The following CFAP54 variants were observed in gnomAD, a reference collection of about 807,000 sequenced individuals.
The protein encoded by CFAP54 is cilia- and flagella-associated protein 54.
CFAP54 carries 290 observed loss-of-function variants against 370.4 expected under a neutral mutation model. The ratio of observed to expected loss-of-function variants is 0.78; its 90% CI spans 0.71 to 0.86. The LOEUF (loss-of-function observed/expected upper bound fraction) is 0.86, where lower values mean the gene tolerates loss of function less well. Ranked by LOEUF, CFAP54 falls within the 40% of genes least tolerant of loss-of-function variation. The pLI, the probability that CFAP54 is intolerant of heterozygous loss-of-function variation, is 0.00. For synonymous variants in CFAP54, 1,206 were observed against 1,236.5 expected, an observed-to-expected ratio of 0.98 and a Z score of 0.52; for missense variants, 3,399 against 3,528.7, an observed-to-expected ratio of 0.96 and a Z score of 0.93.
chr12:96,558,845 A>G (rs1319692205), intron 17 of CFAP54, among the ~76,000 whole-genome samples: 1 of 152,184 alleles, frequency 6.6e-6, no homozygotes, highest in Non-Finnish European at 1.5e-5. Flanking sequence ...AATACCCCTT[A>G]AGAACAGGCA....
At chr12:96,510,963 C>CA (rs11479059) in intron 4 of CFAP54, among the ~76,000 whole-genome samples, 6,728 of 103,536 alleles carry the variant, frequency 0.065, 391 homozygotes, top group African/African-American at 0.16. Context: ...ACTCTTATCT[C>CA]AAAAAAAAAA....
chr12:96,768,793 A>G (rs983819160), intron 60 of CFAP54, among the ~76,000 whole-genome samples: 2 of 152,258 alleles, frequency 1.3e-5, no homozygotes, highest in African/African-American at 4.8e-5. Context: ...GGGGAGCTGG[A>G]CACAGGCAGG....
At chr12:96,492,782 C>T (rs1954900049) in intron 1 of CFAP54, among the ~76,000 whole-genome samples, 1 of 152,196 alleles carries the variant, frequency 6.6e-6, no homozygotes, top group African/African-American at 2.4e-5. Flanking sequence ...CACCTGCAGT[C>T]AGGAGTTCAA....
intron 63 of CFAP54, among the ~76,000 whole-genome samples, chr12:96,811,455 G>T (rs73383052): frequency 6.6e-6 from 1 of 152,076 alleles, no homozygotes; most frequent in African/African-American, 2.4e-5. Flanking sequence ...ACTGTAGAGG[G>T]CCTTCAAAAG....
intron 19 of CFAP54, among the ~76,000 whole-genome samples, chr12:96,575,537 T>G (rs74239037): frequency 0.085 from 12,900 of 151,368 alleles, 718 homozygotes; most frequent in Middle Eastern, 0.14. Context: ...GGAGGAGGAG[T>G]AGTAATCACA....
intron 14 of CFAP54, among the ~76,000 whole-genome samples, chr12:96,543,056 TAAG>T (rs1324184796): frequency 1.3e-5 from 2 of 152,260 alleles, no homozygotes; most frequent in Non-Finnish European, 2.9e-5. Context: ...GATACTTTGT[TAAG>T]AAGAATTCTT....
At chr12:96,525,978 C>A (rs1275538340) in intron 8 of CFAP54, among the ~76,000 whole-genome samples, 1 of 152,240 alleles carries the variant, frequency 6.6e-6, no homozygotes, top group Non-Finnish European at 1.5e-5. Context: ...GCCGCCGCAC[C>A]CAGCCCCTTG....
Position 96,580,931 on chromosome 12 carries a change from C to A in CFAP54, c.2901C>A (p.Asp967Glu). ...LPNSGEAIPADGKSVFEVKGL... is the reference protein window; with the variant it reads ...LPNSGEAIPAEGKSVFEVKGL... ...ATTTTTCTTAATAGATACCAGCTGACGGTAAAAGTGTTTTTGAAGTGAAAG... is the reference window on the plus strand; with the variant it reads ...ATTTTTCTTAATAGATACCAGCTGAAGGTAAAAGTGTTTTTGAAGTGAAAG... The change falls in exon 22 of 68, where the codon GAC becomes GAA. Residue 967 changes from aspartate to glutamate, a missense_variant. Asp to Glu is a conservative substitution (Grantham distance 45). Around this residue, in one of 3 missense-constraint regions of CFAP54, gnomAD observed 2,796 missense variants for 2,869.7 expected, o/e 0.97. Coordinates refer to ENST00000524981, the MANE Select transcript of CFAP54 (RefSeq NM_001306084.2). The A allele has an allele frequency of 6.7e-7, 1 of 1,494,104 alleles. No homozygotes were observed. The highest frequency in any genetic ancestry group is 1.3e-5 in the South Asian group (1 of 76,506). The allele number at this position is 1,494,104 out of a possible 1,614,324, so 92.6% of individuals were successfully genotyped here.
chr12:96,653,509 A>G, intron 36 of CFAP54, among the ~76,000 whole-genome samples: 1 of 152,242 alleles, frequency 6.6e-6, no homozygotes, highest in East Asian at 1.9e-4. Context: ...ATTAAATAAT[A>G]CAATTCCAAA....
chr12:96,748,008 C>G (rs923388834), intron 55 of CFAP54, among the ~76,000 whole-genome samples: 6 of 151,994 alleles, frequency 3.9e-5, no homozygotes, highest in Admixed American at 1.3e-4. Context: ...TTTTCCTTTC[C>G]CAGTCTGCAG....
intron 58 of CFAP54, 99 bp from the exon 59 acceptor site, chr12:96,764,052 C>T (rs1958368909): frequency 1.4e-6 from 1 of 690,580 alleles, no homozygotes; most frequent in African/African-American, 1.8e-5. Flanking sequence ...ACATTATTAT[C>T]CTTAGTGACT....
intron 66 of CFAP54, among the ~76,000 whole-genome samples, chr12:96,857,005 G>A (rs1373368505): frequency 6.6e-6 from 1 of 152,184 alleles, no homozygotes; most frequent in Non-Finnish European, 1.5e-5. Context: ...CATGGTGCGA[G>A]GGGAAGCAAA....
At chr12:96,775,832 T>C (rs1958512272) in intron 60 of CFAP54, among the ~76,000 whole-genome samples, 2 of 152,240 alleles carry the variant, frequency 1.3e-5, no homozygotes, top group South Asian at 2.1e-4. Flanking sequence ...ATCACAAATA[T>C]TGCTTTCTTT....
At chr12:96,725,263 G>A (rs1957817768) in intron 50 of CFAP54, among the ~76,000 whole-genome samples, 2 of 151,076 alleles carry the variant, frequency 1.3e-5, no homozygotes, top group Admixed American at 6.6e-5. Flanking sequence ...AAATTACCTT[G>A]GGCAGTATGG....
chr12:96,742,244 A>G (rs1958059484), intron 51 of CFAP54, among the ~76,000 whole-genome samples, 195 bp from the exon 52 acceptor site: 2 of 152,104 alleles, frequency 1.3e-5, no homozygotes, highest in Admixed American at 1.3e-4. Context: ...TTAATAGAGG[A>G]TTTCTGGATT....
At chr12:96,685,986 C>T (rs1957326174) in intron 42 of CFAP54, among the ~76,000 whole-genome samples, 1 of 152,204 alleles carries the variant, frequency 6.6e-6, no homozygotes, top group South Asian at 2.1e-4. Context: ...TTTCACATTC[C>T]TTCTGAGCCT....
Position 96,699,973 on chromosome 12 carries a change from A to G in CFAP54, c.6354A>G (p.Ile2118Met), listed in dbSNP as rs1957474477. The G allele has an allele frequency of 1.9e-6, 3 of 1,567,324 alleles. No homozygotes were observed. Among genetic ancestry groups the G allele is most frequent in the Non-Finnish European group, 2.6e-6 (3 of 1,148,662 alleles). ...TCATTATTTCCTTTCCTTTACAGAT[A>G]GAAGTCCTTATAGATTTGAGATTCT... Reference protein sequence around the residue: ...TRNLEARILKIEVLIDLRFFS... With the variant: ...TRNLEARILKMEVLIDLRFFS... Residue 2118 changes from isoleucine (I) to methionine (M), a missense_variant and splice_region_variant, in exon 46 of 68, where the codon ATA becomes ATG. Physicochemically the swap from Ile to Met is conservative, Grantham distance 10. Around this residue, in one of 3 missense-constraint regions of CFAP54, gnomAD observed 2,796 missense variants for 2,869.7 expected, o/e 0.97. Transcript: ENST00000524981.
intron 40 of CFAP54, among the ~76,000 whole-genome samples, chr12:96,684,194 T>G (rs1174661481): frequency 6.6e-6 from 1 of 152,212 alleles, no homozygotes; most frequent in Non-Finnish European, 1.5e-5. Context: ...CCTTTGAGCC[T>G]TTCCATCTGC....
In CFAP54 at chr12:96,644,347, G is replaced by C. The variant is rs899473327; in HGVS notation, c.4486G>C (p.Val1496Leu). The change falls in exon 33 of 68, where the codon GTT becomes CTT. Residue 1496 changes from valine (V) to leucine (L), a missense_variant. By Grantham distance (32) the Val-to-Leu change is conservative. Coordinates refer to ENST00000524981, the MANE Select transcript of CFAP54 (RefSeq NM_001306084.2). ...LYLAGAHFNL[V>L]LQKLWECTKM... ...TCTAGCAGGTGCACACTTTAACCTG[G>C]TTTTACAAAAGCTATGGGAGTGTAC... 8.5e-6 allele frequency: 13 copies of C among 1,535,948 alleles called. No individual in the cohort carries two copies. The East Asian group carries it at 2.9e-4, about 35-fold the overall frequency.
Sources: gnomAD v4.1 joint callset for allele counts (sites outside exome capture counted in the v4.1 genomes callset) on GRCh38, gnomAD v4.1.1 for gene constraint, gnomAD v4.1.1 regional missense constraint, MANE v1.5 for transcripts, NCBI Gene and HGNC (gene_info 2026-07-23, HGNC 2026-07-21) for gene names.